NEDD4: variants seen among roughly 807,000 people sequenced by gnomAD.
The protein encoded by NEDD4 is E3 ubiquitin-protein ligase NEDD4.
In NEDD4, 99 loss-of-function variants were observed where a neutral mutation model predicts 144.9. The ratio of observed to expected loss-of-function variants is 0.68; its 90% CI spans 0.58 to 0.81. The LOEUF (loss-of-function observed/expected upper bound fraction) is 0.81. NEDD4 is among the 30% of genes least tolerant of loss of function. The probability of loss-of-function intolerance (pLI) is 0.00; values close to 1 mark genes in which losing one functional copy is unlikely to be tolerated. For synonymous variants in NEDD4, 318 were observed against 350.6 expected (o/e 0.91, Z 1.04); for missense variants, 985 against 1,065.9 (o/e 0.92, Z 1.06).
At chr15:55,930,437 C>CA (rs1294128943) in intron 4 of NEDD4, among the ~76,000 whole-genome samples, 6 of 152,180 alleles carry the variant, frequency 3.9e-5, no homozygotes, top group Non-Finnish European at 7.3e-5. Flanking sequence ...CTGTGGTTCA[C>CA]ATGAGGAATT....
intron 8 of NEDD4, among the ~76,000 whole-genome samples, chr15:55,867,350 C>G (rs1474496884): frequency 6.6e-6 from 1 of 152,124 alleles, no homozygotes; most frequent in Non-Finnish European, 1.5e-5. Context: ...TTATAAGGTG[C>G]ATTCTGAGGG....
chr15:55,868,674 TA>T (rs1281180095), intron 8 of NEDD4, among the ~76,000 whole-genome samples: 1 of 152,204 alleles, frequency 6.6e-6, no homozygotes, highest in African/African-American at 2.4e-5. Context: ...AACCTGTTTT[TA>T]AAGCTTTATA....
chr15:55,865,197 C>CAAAA (rs34140490), intron 8 of NEDD4, among the ~76,000 whole-genome samples: 5 of 84,918 alleles, frequency 5.9e-5, no homozygotes, highest in African/African-American at 9.8e-5. Flanking sequence ...GACTCTGTCT[C>CAAAA]AAAAAAAAAA....
At chr15:55,835,491 A>G (rs1455185500) in intron 24 of NEDD4, among the ~76,000 whole-genome samples, 1 of 150,056 alleles carries the variant, frequency 6.7e-6, no homozygotes, top group Non-Finnish European at 1.5e-5. Flanking sequence ...ACAACAGTTA[A>G]GATGCTGGTG....
chr15:55,927,224 G>C (rs1364281843), intron 4 of NEDD4, among the ~76,000 whole-genome samples: 2 of 151,910 alleles, frequency 1.3e-5, no homozygotes, highest in East Asian at 1.9e-4. Context: ...AGAAGGTATA[G>C]AGAACATGCA....
At chr15:55,921,423 C>G (rs1305886992) in intron 5 of NEDD4, among the ~76,000 whole-genome samples, 3 of 151,858 alleles carry the variant, frequency 2.0e-5, no homozygotes, top group Admixed American at 2.0e-4. Context: ...CTCCTGGGCT[C>G]AAGCAATTCT....
At position 55,916,373 on chromosome 15, in the gene NEDD4, G is replaced by A. The variant is rs1264771233; in HGVS notation, c.291+8273C>T. 6 of 1,613,902 alleles carry A rather than the reference G, an allele frequency of 3.7e-6. No homozygotes were observed. The African/African-American group carries it at 8.0e-5, about 22-fold the overall frequency. On this transcript the variant is annotated intron_variant, in intron 5 of 28. Transcript: ENST00000435532. ...AAGACCCATTATCACTGGTTGAAAA[G>A]TTACTAAGGCTACCACTACAAATGG...
At chr15:55,909,823 T>C (rs1198548141) in intron 5 of NEDD4, among the ~76,000 whole-genome samples, 3 of 152,212 alleles carry the variant, frequency 2.0e-5, no homozygotes, top group Non-Finnish European at 4.4e-5. Context: ...TTTCTGGGAA[T>C]AGGCCTTAAA....
At chr15:55,916,079 T>C (rs367891617) in intron 5 of NEDD4, 1 of 1,614,056 alleles carries the variant, frequency 6.2e-7, no homozygotes, top group East Asian at 2.2e-5. Context: ...TCCTGCTCAC[T>C]GGCAATTTCA....
chr15:55,900,660 G>C (rs1278147940), intron 5 of NEDD4, among the ~76,000 whole-genome samples: 1 of 152,100 alleles, frequency 6.6e-6, no homozygotes, highest in Non-Finnish European at 1.5e-5. Flanking sequence ...AGCCCTATCA[G>C]ACCGACAAAA....
intron 5 of NEDD4, among the ~76,000 whole-genome samples, chr15:55,922,222 A>G (rs1168649049): frequency 6.6e-6 from 1 of 152,250 alleles, no homozygotes; most frequent in Non-Finnish European, 1.5e-5. Context: ...ATGATTTTTC[A>G]GAATATAGAA....
intron 5 of NEDD4, among the ~76,000 whole-genome samples, chr15:55,879,996 A>C (rs1031142129): frequency 1.3e-5 from 2 of 152,180 alleles, no homozygotes; most frequent in East Asian, 1.9e-4. Context: ...GAATATTAAA[A>C]ATAAAAGGGC....
chr15:55,904,503 A>G (rs1170208886), intron 5 of NEDD4, among the ~76,000 whole-genome samples: 1 of 152,002 alleles, frequency 6.6e-6, no homozygotes, highest in African/African-American at 2.4e-5. Flanking sequence ...AGGTTTTACC[A>G]TGCTGGCCAA....
chr15:55,888,755 CA>C (rs1382562026), intron 5 of NEDD4, among the ~76,000 whole-genome samples: 1 of 151,990 alleles, frequency 6.6e-6, no homozygotes, highest in African/African-American at 2.4e-5. Context: ...TAAAAACAGA[CA>C]GACCAATGGA....
At chr15:55,961,757 C>A (rs1284075456) in intron 2 of NEDD4, among the ~76,000 whole-genome samples, 1 of 152,098 alleles carries the variant, frequency 6.6e-6, no homozygotes, top group Non-Finnish European at 1.5e-5. Flanking sequence ...ATGTGAGCCA[C>A]CGCGCCTGGC....
chr15:55,980,007 C>G (rs1237164869), intron 1 of NEDD4, among the ~76,000 whole-genome samples: 2 of 151,814 alleles, frequency 1.3e-5, no homozygotes, highest in Non-Finnish European at 2.9e-5. Context: ...GCCTCCTAGG[C>G]TCAAGTGATT....
In NEDD4 at chr15:55,869,858, C is replaced by CATAT. The variant is rs1158253033; in HGVS notation, c.405-181_405-178dup. Among the ~76,000 whole-genome samples the CATAT allele has an allele frequency of 4.7e-3, 316 of 67,774 alleles. 1 individual carries two copies. The highest frequency in any genetic ancestry group is 7.2e-3 in the Non-Finnish European group (211 of 29,106). The allele number at this position is 67,774 out of a possible 152,430, so 44.5% of individuals were successfully genotyped here. ...GAATAGAAGGTAGAGAAAAGGCAAACATATATAAATAAATAAATAAATAAA... is the reference window on the plus strand; with the variant it reads ...GAATAGAAGGTAGAGAAAAGGCAAACATATATATATAAATAAATAAATAAATAAA... On this transcript the variant is annotated intron_variant, in intron 7 of 28. Transcript: ENST00000435532.
rs1433035177 is a variant in NEDD4, at chr15:55,883,928, G to A, written c.292-9920C>T. On this transcript the variant is annotated intron_variant, in intron 5 of 28. Transcript: ENST00000435532. ...AGAGTCTCACCCTGTTGCCCAGGCT[G>A]GAGTACAGTGGCATGATCTTGGCTC... Among the ~76,000 whole-genome samples, 3 of 148,378 alleles carry A rather than the reference G, an allele frequency of 2.0e-5. No individual in the cohort carries two copies. The East Asian group carries it at 5.9e-4, about 29-fold the overall frequency.
intron 5 of NEDD4, among the ~76,000 whole-genome samples, chr15:55,878,967 C>T (rs964485257): frequency 6.6e-6 from 1 of 152,204 alleles, no homozygotes; most frequent in Admixed American, 6.5e-5. Flanking sequence ...AGATTACAGG[C>T]ATGTGCCACC....
Sources: allele counts gnomAD v4.1 joint callset (sites outside exome capture counted in the v4.1 genomes callset), GRCh38; gene constraint gnomAD v4.1.1; transcripts MANE v1.5; gene names NCBI Gene and HGNC (gene_info 2026-07-23, HGNC 2026-07-21).